THEM6: variants seen among roughly 807,000 people sequenced by gnomAD.
The protein encoded by THEM6 is protein THEM6.
Under a neutral mutation model 13.7 loss-of-function variants are expected in THEM6, and 10 were observed. The ratio of observed to expected loss-of-function variants is 0.73; its 90% CI spans 0.45 to 1.24. The LOEUF (loss-of-function observed/expected upper bound fraction) is 1.24, where lower values mean the gene tolerates loss of function less well. Among genes scored for constraint, THEM6 ranks in the 50% most tolerant of loss-of-function variants. THEM6 has a pLI of 0.00. For synonymous variants in THEM6, 161 were observed against 156.0 expected, an observed-to-expected ratio of 1.03 and a Z score of -0.24; for missense variants, 317 against 312.6, an observed-to-expected ratio of 1.01 and a Z score of -0.11.
chr8:142,733,738 T>C (rs1815702092), intron 1 of THEM6, among the ~76,000 whole-genome samples: 1 of 152,234 alleles, frequency 6.6e-6, no homozygotes, highest in Non-Finnish European at 1.5e-5. Context: ...AAAGTTTACT[T>C]TGCCAAGGAT....
Position 142,735,692 on chromosome 8 carries a change from A to T in THEM6, c.*253A>T. On this transcript the variant is annotated 3_prime_UTR_variant, in exon 2 of 2. Transcript: ENST00000336138. ...AGGTGGGGATGGATGGGCAAAGGAGAGTCCTGCCTGGCCCTACGATGAGGC... is the reference window on the plus strand; with the variant it reads ...AGGTGGGGATGGATGGGCAAAGGAGTGTCCTGCCTGGCCCTACGATGAGGC... 5.9e-6 allele frequency: 3 copies of T among 508,128 alleles called. No individual in the cohort carries two copies. The highest frequency in any genetic ancestry group is 7.2e-6 in the Non-Finnish European group (2 of 277,672). The allele number at this position is 508,128 out of a possible 1,614,324, so 31.5% of individuals were successfully genotyped here.
In THEM6 at chr8:142,735,329, G is replaced by T; in HGVS notation, c.517G>T (p.Glu173Ter). 6.4e-7 allele frequency: 1 copy of T among 1,555,396 alleles called. No homozygotes were observed. The change falls in exon 2 of 2, where the codon GAG (glutamate) becomes TAG (stop). Residue 173 changes from glutamate to a stop codon, truncating the protein, a stop_gained. Coordinates refer to ENST00000336138, the MANE Select transcript of THEM6 (RefSeq NM_016647.3). LOFTEE classifies it high-confidence loss of function. ...VVQHLCQRRV[E>*]PPELPADLQH... Reference sequence around the variant, plus strand: ...GTCCCCTTTCTGTCCTCTGCAGGTGGAGCCCCCTGAGCTGCCCGCTGATCT... The same window carrying T: ...GTCCCCTTTCTGTCCTCTGCAGGTGTAGCCCCCTGAGCTGCCCGCTGATCT...
At chr8:142,734,305 A>G (rs992865906) in intron 1 of THEM6, among the ~76,000 whole-genome samples, 6 of 152,354 alleles carry the variant, frequency 3.9e-5, no homozygotes, top group African/African-American at 1.4e-4. Flanking sequence ...TCTAGAGTCC[A>G]GAGGCAAAGG....
In THEM6 at chr8:142,727,332, C is replaced by CCCG. The variant is rs587633604; in HGVS notation, c.-4_-2dup. On this transcript the variant is annotated 5_prime_UTR_variant, in exon 1 of 2. Transcript: ENST00000336138. ...GCCACGGACTCCGCAGGACCCCGCGCCCGCCGCCGCCGCTATGCTGGGGCT... is the reference window on the plus strand; with the variant it reads ...GCCACGGACTCCGCAGGACCCCGCGCCCGCCGCCGCCGCCGCTATGCTGGGGCT... 785 of 1,500,950 alleles carry CCCG rather than the reference C, an allele frequency of 5.2e-4. 1 individual carries two copies. In the African/African-American group the frequency reaches 7.7e-3, roughly 15 times the overall value. The allele number at this position is 1,500,950 out of a possible 1,614,324, so 93.0% of individuals were successfully genotyped here.
intron 1 of THEM6, among the ~76,000 whole-genome samples, chr8:142,732,910 G>C (rs910483275): frequency 6.6e-6 from 1 of 152,040 alleles, no homozygotes; most frequent in African/African-American, 2.4e-5. Flanking sequence ...CTTGTTCCCC[G>C]GTGCCGTAAA....
chr8:142,728,717 G>T (rs1815573871), intron 1 of THEM6, among the ~76,000 whole-genome samples: 2 of 152,192 alleles, frequency 1.3e-5, no homozygotes, highest in South Asian at 4.1e-4. Context: ...AGAACTCAGG[G>T]CGAGTCTGCA....
chr8:142,735,385 C>T lies in THEM6; in HGVS notation c.573C>T (p.Ser191=). Residue 191 remains serine (S), a synonymous_variant, in exon 2 of 2, where the codon AGC becomes AGT. Transcript: ENST00000336138. ...ACTGGATCTCCTACAACGAGGCCAG[C>T]AGCCAGCTGCTCCGCATGGAGAGTG... The part of the protein sequence containing the change: ...LQHWISYNEA[S]SQLLRMESGL... 6.3e-7 allele frequency: 1 copy of T among 1,584,270 alleles called. No homozygotes were observed. The highest frequency in any genetic ancestry group is 2.3e-5 in the East Asian group (1 of 43,218).
intron 1 of THEM6, among the ~76,000 whole-genome samples, chr8:142,731,034 C>T (rs587719100): frequency 4.1e-4 from 63 of 152,314 alleles, no homozygotes; most frequent in African/African-American, 1.4e-3. Flanking sequence ...CGTGAGCCAC[C>T]GTGCCCGGCC....
chr8:142,735,393 T>C lies in THEM6; in HGVS notation c.581T>C (p.Leu194Pro), dbSNP rs1815737060. The C allele has an allele frequency of 6.3e-7, 1 of 1,584,856 alleles. No homozygotes were observed. Among genetic ancestry groups the C allele is most frequent in the East Asian group, 2.3e-5 (1 of 43,238 alleles). Residue 194 changes from leucine (L) to proline (P), a missense_variant, in exon 2 of 2, where the codon CTG (leucine) becomes CCG (proline). Transcript: ENST00000336138. Reference protein sequence around the residue: ...WISYNEASSQLLRMESGLSDV... With the variant: ...WISYNEASSQPLRMESGLSDV... Reference sequence around the variant, plus strand: ...TCCTACAACGAGGCCAGCAGCCAGCTGCTCCGCATGGAGAGTGGGCTCAGT... The same window carrying C: ...TCCTACAACGAGGCCAGCAGCCAGCCGCTCCGCATGGAGAGTGGGCTCAGT...
Position 142,727,805 on chromosome 8 carries a change from G to T in THEM6, c.459G>T (p.Gln153His). 6.8e-7 allele frequency: 1 copy of T among 1,468,182 alleles called. No homozygotes were observed. The highest frequency in any genetic ancestry group is 1.3e-5 in the South Asian group (1 of 75,810). The allele number at this position is 1,468,182 out of a possible 1,614,324, so 90.9% of individuals were successfully genotyped here. A position where few individuals can be genotyped will look rare whatever the true frequency, so the allele number is the denominator to read the frequency against. The change falls in exon 1 of 2, where the codon CAG (glutamine) becomes CAT (histidine). Residue 153 changes from glutamine to histidine, a missense_variant. Gln to His is a conservative substitution (Grantham distance 24). Coordinates refer to ENST00000336138, the MANE Select transcript of THEM6 (RefSeq NM_016647.3). ...TGTGCGCGCTGCTGCGCTTCCGGCA[G>T]CACCTGCTGGGCACCTCACCCGAGC... ...GFVCALLRFR[Q>H]HLLGTSPERV...
At chr8:142,732,207 T>TATATATATATATATATA (rs1563822652) in intron 1 of THEM6, among the ~76,000 whole-genome samples, 48 of 91,482 alleles carry the variant, frequency 5.2e-4, no homozygotes, top group Middle Eastern at 5.9e-3. Flanking sequence ...TATATATATA[T>TATATATATATATATATA]TTTAACTACT....
At position 142,735,633 on chromosome 8, in the gene THEM6, G is replaced by C. The variant is rs1815742653; in HGVS notation, c.*194G>C. The C allele has an allele frequency of 1.7e-6, 1 of 578,782 alleles. No individual in the cohort carries two copies. Among genetic ancestry groups the C allele is most frequent in the African/African-American group, 1.9e-5 (1 of 53,736 alleles). 35.9% of individuals were successfully genotyped at this position (578,782 alleles called of 1,614,324 possible). Reference sequence around the variant, plus strand: ...GGCTCCACGCTAGGCAGAAGGAGGAGTGGCATTGGCATCCTGACCCAGCTC... The same window carrying C: ...GGCTCCACGCTAGGCAGAAGGAGGACTGGCATTGGCATCCTGACCCAGCTC... On this transcript the variant is annotated 3_prime_UTR_variant, in exon 2 of 2. Coordinates refer to ENST00000336138, the MANE Select transcript of THEM6 (RefSeq NM_016647.3).
At position 142,727,280 on chromosome 8, in the gene THEM6, A is replaced by T; in HGVS notation, c.-67A>T. On this transcript the variant is annotated 5_prime_UTR_variant, in exon 1 of 2. Transcript: ENST00000336138. ...CCCAGGAGGCCTGGCGGGCACCGTAACCAGCGCCGCGGACACCGGCACCGG... is the reference window on the plus strand; with the variant it reads ...CCCAGGAGGCCTGGCGGGCACCGTATCCAGCGCCGCGGACACCGGCACCGG... The T allele has an allele frequency of 7.2e-7, 1 of 1,386,092 alleles. No individual in the cohort carries two copies. Among genetic ancestry groups the T allele is most frequent in the Non-Finnish European group, 9.3e-7 (1 of 1,074,550 alleles). 85.9% of individuals were successfully genotyped at this position (1,386,092 alleles called of 1,614,324 possible). A position where few individuals can be genotyped will look rare whatever the true frequency, so the allele number is the denominator to read the frequency against.
chr8:142,727,983 G>C (rs1024908428), intron 1 of THEM6, 124 bp downstream of exon 1: 1 of 1,137,788 alleles, frequency 8.8e-7, no homozygotes, highest in African/African-American at 1.6e-5. Context: ...GATACTGCTG[G>C]AGTCCTGCCT....
At chr8:142,732,208 T>G (rs11785127) in intron 1 of THEM6, among the ~76,000 whole-genome samples, 1 of 39,358 alleles carries the variant, frequency 2.5e-5, no homozygotes, top group Non-Finnish European at 5.8e-5. Flanking sequence ...ATATATATAT[T>G]TTAACTACTG....
rs1405957028 is a variant in THEM6, at chr8:142,736,915, G to A, written c.*1476G>A. The A allele has an allele frequency of 1.3e-5, 2 of 152,272 alleles. No individual in the cohort carries two copies. The highest frequency in any genetic ancestry group is 2.4e-5 in the African/African-American group (1 of 41,464). The allele number at this position is 152,272 out of a possible 1,614,324, so 9.4% of individuals were successfully genotyped here. The stretch of plus-strand genomic sequence containing the variant: ...TTTAAAGAAAGCCCAACATTAAAGG[G>A]TTTTCATTGCAAGCGTGCTGGGGAG... On this transcript the variant is annotated 3_prime_UTR_variant, in exon 2 of 2. Coordinates refer to ENST00000336138, the MANE Select transcript of THEM6 (RefSeq NM_016647.3).
At chr8:142,730,508 C>T (rs1815623056) in intron 1 of THEM6, among the ~76,000 whole-genome samples, 2 of 152,206 alleles carry the variant, frequency 1.3e-5, no homozygotes, top group African/African-American at 4.8e-5. Flanking sequence ...CTCAGCGCCG[C>T]CCAGGGGACA....
In THEM6 at chr8:142,735,377, G is replaced by A. The variant is rs374540253; in HGVS notation, c.565G>A (p.Glu189Lys). ...TCTGCAGCACTGGATCTCCTACAAC[G>A]AGGCCAGCAGCCAGCTGCTCCGCAT... is the stretch of plus-strand genomic sequence containing the variant. The part of the protein sequence containing the change: ...ADLQHWISYN[E>K]ASSQLLRMES... The change falls in exon 2 of 2, where the codon GAG (glutamate) becomes AAG (lysine). Residue 189 changes from glutamate (E) to lysine (K), a missense_variant. Physicochemically the swap from Glu to Lys is moderately conservative, Grantham distance 56. Coordinates refer to ENST00000336138, the MANE Select transcript of THEM6 (RefSeq NM_016647.3). 7.8e-5 allele frequency: 124 copies of A among 1,582,098 alleles called. No individual in the cohort carries two copies. The highest frequency in any genetic ancestry group is 9.9e-5 in the Non-Finnish European group (115 of 1,164,302).
intron 1 of THEM6, among the ~76,000 whole-genome samples, chr8:142,729,654 TC>T (rs1815602079): frequency 6.6e-6 from 1 of 152,048 alleles, no homozygotes. Flanking sequence ...TTTATGTCAA[TC>T]CCCATACCAC....
Sources: allele counts gnomAD v4.1 joint callset (sites outside exome capture counted in the v4.1 genomes callset), GRCh38; gene constraint gnomAD v4.1.1; transcripts MANE v1.5; gene names NCBI Gene and HGNC (gene_info 2026-07-23, HGNC 2026-07-21).